CREM: variants seen among roughly 807,000 people sequenced by gnomAD.
CREM encodes cAMP-responsive element modulator.
CREM carries 13 observed loss-of-function variants against 37.3 expected under a neutral mutation model. The observed-to-expected ratio is 0.35, with a 90% CI of 0.23 to 0.55. CREM has a LOEUF of 0.55. Among genes scored for constraint, CREM ranks in the 20% least tolerant of loss-of-function variants. The pLI, the probability that CREM is intolerant of heterozygous loss-of-function variation, is 0.88. For missense variants in CREM, 296 were observed against 362.3 expected, an observed-to-expected ratio of 0.82 and a Z score of 1.49; for synonymous variants, 124 against 120.2, an observed-to-expected ratio of 1.03 and a Z score of -0.21.
At chr10:35,190,958 A>G (rs35079558) in intron 6 of CREM, among the ~76,000 whole-genome samples, 45,565 of 152,034 alleles carry the variant, frequency 0.3, 7,264 homozygotes, top group Non-Finnish European at 0.35. Context: ...CACCATGCCC[A>G]GCCAAGACTG....
At chr10:35,132,695 C>A (rs941970445) in intron 1 of CREM, among the ~76,000 whole-genome samples, 1 of 152,200 alleles carries the variant, frequency 6.6e-6, no homozygotes, top group African/African-American at 2.4e-5. Context: ...GGTGTAATTT[C>A]ATGGTACTGC....
intron 7 of CREM, among the ~76,000 whole-genome samples, 197 bp downstream of exon 7, chr10:35,207,248 G>T (rs1422398583): frequency 6.6e-6 from 1 of 151,548 alleles, no homozygotes; most frequent in Non-Finnish European, 1.5e-5. Flanking sequence ...AAAAAAATTC[G>T]CCGGGCGTGG....
intron 3 of CREM, among the ~76,000 whole-genome samples, chr10:35,178,494 G>A (rs142529310): frequency 6.6e-6 from 1 of 152,176 alleles, no homozygotes; most frequent in African/African-American, 2.4e-5. Context: ...AGTGTGATCC[G>A]GGAGCTCTCT....
At chr10:35,192,941 T>C (rs1045823087) in intron 6 of CREM, among the ~76,000 whole-genome samples, 2 of 152,224 alleles carry the variant, frequency 1.3e-5, no homozygotes, top group Non-Finnish European at 2.9e-5. Context: ...TCTCCCTCTT[T>C]TGTAATACAG....
At chr10:35,137,976 GTA>G in intron 2 of CREM, 97 bp downstream of exon 2, 9 of 805,986 alleles carry the variant, frequency 1.1e-5, no homozygotes, top group Non-Finnish European at 1.7e-5. Context: ...ATACATGTAT[GTA>G]TGTATATATA....
intron 1 of CREM, among the ~76,000 whole-genome samples, chr10:35,134,830 G>T (rs2090163141): frequency 6.6e-6 from 1 of 152,098 alleles, no homozygotes; most frequent in South Asian, 2.1e-4. Flanking sequence ...TTGAAGTCAG[G>T]GGTTCGAGAC....
rs778852206 is a variant in CREM at position 35,206,878 on chromosome 10, AT to A, written c.599-13del. On this transcript the variant is annotated splice_polypyrimidine_tract_variant and intron_variant, in intron 6 of 7. Transcript: ENST00000685392. ...TGAATTCTTTATATAAGCTCAAAATATTTTGTTTTACTGCAGCTGCCACTGG... is the reference window on the plus strand; with the variant it reads ...TGAATTCTTTATATAAGCTCAAAATATTTGTTTTACTGCAGCTGCCACTGG... 1.9e-6 allele frequency: 3 copies of A among 1,612,414 alleles called. No homozygotes were observed. Among genetic ancestry groups the A allele is most frequent in the Non-Finnish European group, 2.5e-6 (3 of 1,179,502 alleles).
intron 2 of CREM, among the ~76,000 whole-genome samples, chr10:35,138,541 T>G (rs2090954454): frequency 6.6e-6 from 1 of 150,746 alleles, no homozygotes; most frequent in Admixed American, 6.6e-5. Flanking sequence ...TTTTTTTTTT[T>G]TTTTGGAGAC....
At chr10:35,169,761 C>A (rs988371673) in intron 3 of CREM, among the ~76,000 whole-genome samples, 1 of 151,954 alleles carries the variant, frequency 6.6e-6, no homozygotes, top group African/African-American at 2.4e-5. Flanking sequence ...TTTTGAGATA[C>A]GTCCCATCAA....
intron 6 of CREM, among the ~76,000 whole-genome samples, chr10:35,196,865 CTTTTTTT>C (rs58503822): frequency 3.7e-5 from 4 of 108,942 alleles, no homozygotes; most frequent in African/African-American, 7.0e-5. Context: ...ACGCTGTGTA[CTTTTTTT>C]TTTTTTTTTT....
rs553645814 is a variant in CREM, at chr10:35,169,030, G to A, written c.169-9859G>A. 6.4e-3 allele frequency among the ~76,000 whole-genome samples: 973 copies of A among 152,228 alleles called. 4 individuals are homozygous for A. Among genetic ancestry groups the A allele is most frequent in the Non-Finnish European group, 8.9e-3 (604 of 68,002 alleles). On this transcript the variant is annotated intron_variant, in intron 3 of 7. Coordinates refer to ENST00000685392, the MANE Select transcript of CREM (RefSeq NM_183011.2). ...GTAGTATAGTTTGAAGTCAGGTAAC[G>A]TGATGCCTCCAGCTTTGTTCTTTTG...
chr10:35,184,787 G>A (rs2133401627), intron 5 of CREM, among the ~76,000 whole-genome samples: 1 of 149,480 alleles, frequency 6.7e-6, no homozygotes, highest in Non-Finnish European at 1.5e-5. Context: ...AAAAGGAAAC[G>A]AGTAAAGCAA....
At chr10:35,149,936 A>ACACACACACACACC (rs2092466233) in intron 3 of CREM, among the ~76,000 whole-genome samples, 2 of 149,070 alleles carry the variant, frequency 1.3e-5, no homozygotes, top group Admixed American at 6.6e-5. Flanking sequence ...ACACACACAC[A>ACACACACACACACC]CACCCTTGTT....
chr10:35,163,636 C>T (rs1016735824), intron 3 of CREM, among the ~76,000 whole-genome samples: 2 of 152,048 alleles, frequency 1.3e-5, no homozygotes, highest in African/African-American at 4.8e-5. Flanking sequence ...TGGCCAACAA[C>T]ATGGTAAAAC....
chr10:35,143,793 G>T (rs4934535), intron 2 of CREM, among the ~76,000 whole-genome samples: 44,463 of 151,960 alleles, frequency 0.29, 7,044 homozygotes, highest in South Asian at 0.35. Flanking sequence ...GCAACAGTGG[G>T]GAACAAAGCA....
intron 1 of CREM, among the ~76,000 whole-genome samples, chr10:35,135,721 GAAAAAAAAA>G (rs9336981): frequency 7.9e-5 from 4 of 50,562 alleles, no homozygotes; most frequent in East Asian, 5.3e-4. Context: ...CCTATTTCTG[GAAAAAAAAA>G]AAAAAAAAAA....
chr10:35,185,066 C>CAT, intron 5 of CREM, among the ~76,000 whole-genome samples: 1 of 143,732 alleles, frequency 7.0e-6, no homozygotes, highest in Admixed American at 7.0e-5. Context: ...TTCATTCATT[C>CAT]TATTTTTTGA....
intron 6 of CREM, among the ~76,000 whole-genome samples, chr10:35,190,360 C>T (rs1590244877): frequency 6.6e-6 from 1 of 152,010 alleles, no homozygotes; most frequent in Non-Finnish European, 1.5e-5. Flanking sequence ...CTTTTTTCTC[C>T]GTATATGGAG....
At chr10:35,194,097 C>CAAAAA (rs371978117) in intron 6 of CREM, among the ~76,000 whole-genome samples, 556 of 25,024 alleles carry the variant, frequency 0.022, 59 homozygotes, top group African/African-American at 0.078. Context: ...GACTTCATCT[C>CAAAAA]AAAAAAAAAA....
Sources: allele counts gnomAD v4.1 joint callset (sites outside exome capture counted in the v4.1 genomes callset), GRCh38; gene constraint gnomAD v4.1.1; transcripts MANE v1.5; gene names NCBI Gene and HGNC (gene_info 2026-07-23, HGNC 2026-07-21).